Variants in CSMD1 observed in about 807,000 individuals in gnomAD.
The protein encoded by CSMD1 is CUB and sushi domain-containing protein 1.
A neutral mutation model predicts 417.5 loss-of-function variants in CSMD1; 213 were observed. The ratio of observed to expected loss-of-function variants is 0.51; its 90% CI spans 0.46 to 0.57. The LOEUF (loss-of-function observed/expected upper bound fraction) is 0.57, where lower values mean the gene tolerates loss of function less well. Ranked by LOEUF, CSMD1 falls within the 20% of genes least tolerant of loss-of-function variation. CSMD1 has a pLI of 0.00. For synonymous variants in CSMD1, 2,862 were observed against 1,736.8 expected (o/e 1.65, Z -16.11); for missense variants, 6,923 against 4,529.7 (o/e 1.53, Z -15.17).
intron 3 of CSMD1, among the ~76,000 whole-genome samples, chr8:4,213,591 A>G (rs968337997): frequency 1.3e-5 from 2 of 152,252 alleles, no homozygotes; most frequent in Non-Finnish European, 2.9e-5. Flanking sequence ...ACGTGAAAGA[A>G]AAATCAAATG....
intron 26 of CSMD1, among the ~76,000 whole-genome samples, chr8:3,243,404 T>C (rs1000618594): frequency 6.7e-6 from 1 of 149,658 alleles, no homozygotes; most frequent in African/African-American, 2.5e-5. Flanking sequence ...GCAGGTGGGC[T>C]GAGTCCGAAA....
At chr8:3,261,014 C>G (rs539761925) in intron 26 of CSMD1, among the ~76,000 whole-genome samples, 8 of 151,584 alleles carry the variant, frequency 5.3e-5, no homozygotes, top group African/African-American at 1.5e-4. Context: ...AAACAAATAC[C>G]AAAAAAAACC....
chr8:3,502,660 C>A (rs924750072), intron 10 of CSMD1, among the ~76,000 whole-genome samples: 1 of 152,182 alleles, frequency 6.6e-6, no homozygotes. Flanking sequence ...TCGGAGAAGG[C>A]AGAACTATGG....
intron 3 of CSMD1, among the ~76,000 whole-genome samples, chr8:4,128,726 T>C (rs1312597677): frequency 2.6e-5 from 4 of 152,122 alleles, no homozygotes; most frequent in Admixed American, 6.5e-5. Flanking sequence ...CCTTGCTGGA[T>C]ACTTATACTT....
intron 3 of CSMD1, among the ~76,000 whole-genome samples, chr8:4,411,170 T>G (rs146188502): frequency 1.3e-5 from 2 of 152,180 alleles, no homozygotes; most frequent in African/African-American, 4.8e-5. Context: ...AATTACCCAG[T>G]CTCAGGTAAC....
At chr8:3,686,624 C>T (rs531723610) in intron 7 of CSMD1, among the ~76,000 whole-genome samples, 2 of 152,254 alleles carry the variant, frequency 1.3e-5, no homozygotes, top group Admixed American at 6.5e-5. Context: ...AAAACTGAAG[C>T]CCAGGGATAT....
chr8:4,707,867 C>T (rs1232841014), intron 1 of CSMD1, among the ~76,000 whole-genome samples: 1 of 114,338 alleles, frequency 8.7e-6, no homozygotes, highest in African/African-American at 3.3e-5. Flanking sequence ...AGCCTGGGGA[C>T]AAGAGCAAGA....
At chr8:3,979,043 AAGAAGTT>A (rs1387910939) in intron 5 of CSMD1, among the ~76,000 whole-genome samples, 1 of 152,220 alleles carries the variant, frequency 6.6e-6, no homozygotes, top group Non-Finnish European at 1.5e-5. Context: ...CCTGGACCAC[AAGAAGTT>A]TCCTCCTTTC....
intron 2 of CSMD1, among the ~76,000 whole-genome samples, chr8:4,501,913 G>C (rs147277949): frequency 6.6e-6 from 1 of 152,216 alleles, no homozygotes; most frequent in East Asian, 1.9e-4. Flanking sequence ...GAATCTACTG[G>C]GGGTTTTGGA....
rs143608024 is a variant in CSMD1 at position 4,241,017 on chromosome 8, A to T, written c.415+178936T>A. ...CAACGTCTCAGTGAAAACCCATCTG[A>T]CTGACTAGTGTTATTTCTTAGTCTT... On this transcript the variant is annotated intron_variant, in intron 3 of 69. Coordinates refer to ENST00000635120, the MANE Select transcript of CSMD1 (RefSeq NM_033225.6). 3.4e-3 allele frequency among the ~76,000 whole-genome samples: 515 copies of T among 152,278 alleles called. 5 individuals carry two copies. The highest frequency in any genetic ancestry group is 0.012 in the African/African-American group (492 of 41,548).
intron 1 of CSMD1, among the ~76,000 whole-genome samples, chr8:4,980,492 A>G (rs1810829477): frequency 6.6e-6 from 1 of 152,204 alleles, no homozygotes; most frequent in African/African-American, 2.4e-5. Flanking sequence ...AAACACTGTA[A>G]AATGAAAGGA....
intron 2 of CSMD1, among the ~76,000 whole-genome samples, chr8:4,553,707 G>A (rs554124609): frequency 3.3e-5 from 5 of 152,262 alleles, no homozygotes; most frequent in Admixed American, 6.5e-5. Context: ...CTAGAGTGAC[G>A]TTAATTGTGC....
chr8:4,824,364 G>T (rs957516129), intron 1 of CSMD1, among the ~76,000 whole-genome samples: 4 of 152,164 alleles, frequency 2.6e-5, no homozygotes, highest in African/African-American at 7.2e-5. Context: ...TGAATGATAT[G>T]CAGAGTTTTA....
At chr8:4,528,238 A>G (rs1037028102) in intron 2 of CSMD1, among the ~76,000 whole-genome samples, 3 of 152,154 alleles carry the variant, frequency 2.0e-5, no homozygotes, top group African/African-American at 4.8e-5. Context: ...ATAAGACAAT[A>G]TCTAGACAGG....
chr8:3,046,972 G>A (rs962837423), intron 50 of CSMD1, among the ~76,000 whole-genome samples: 1 of 152,150 alleles, frequency 6.6e-6, no homozygotes. Flanking sequence ...CACTTTGGGA[G>A]GCCGAGGCGG....
chr8:3,263,344 C>G (rs1222009999), intron 26 of CSMD1, among the ~76,000 whole-genome samples: 1 of 152,210 alleles, frequency 6.6e-6, no homozygotes, highest in Non-Finnish European at 1.5e-5. Flanking sequence ...AGTGATCTGC[C>G]TGCCTTGACC....
At chr8:3,912,358 G>A (rs951006915) in intron 5 of CSMD1, among the ~76,000 whole-genome samples, 11 of 152,100 alleles carry the variant, frequency 7.2e-5, no homozygotes, top group Admixed American at 1.3e-4. Flanking sequence ...CATGTATTTA[G>A]GATTTACTAC....
At chr8:3,061,287 C>A (rs990039168) in intron 49 of CSMD1, among the ~76,000 whole-genome samples, 7 of 152,090 alleles carry the variant, frequency 4.6e-5, no homozygotes, top group African/African-American at 1.4e-4. Context: ...AGGCCAGCAG[C>A]AAATAGTCAC....
At chr8:3,242,420 G>C (rs1168642691) in intron 26 of CSMD1, among the ~76,000 whole-genome samples, 1 of 152,076 alleles carries the variant, frequency 6.6e-6, no homozygotes, top group Non-Finnish European at 1.5e-5. Context: ...CATGGGAACA[G>C]AGACTAGGTA....
Sources: allele counts gnomAD v4.1 joint callset (sites outside exome capture counted in the v4.1 genomes callset), GRCh38; gene constraint gnomAD v4.1.1; transcripts MANE v1.5; gene names NCBI Gene and HGNC (gene_info 2026-07-23, HGNC 2026-07-21).